PPARGC1A: variants seen among roughly 807,000 people sequenced by gnomAD.
The protein encoded by PPARGC1A is PPARG coactivator 1 alpha, also known as peroxisome proliferator-activated receptor gamma coactivator 1-alpha.
A neutral mutation model predicts 88.7 loss-of-function variants in PPARGC1A; 25 were observed. The ratio of observed to expected loss-of-function variants is 0.28; its 90% CI spans 0.21 to 0.39. The LOEUF (loss-of-function observed/expected upper bound fraction) is 0.39, where lower values mean the gene tolerates loss of function less well. Among genes scored for constraint, PPARGC1A ranks in the 10% least tolerant of loss-of-function variants. The pLI is 1.00. For synonymous variants in PPARGC1A, 363 were observed against 355.6 expected (o/e 1.02, Z -0.24); for missense variants, 880 against 968.7 (o/e 0.91, Z 1.22).
the PPARGC1A span, among the ~76,000 whole-genome samples, chr4:24,031,890 G>T: frequency 6.6e-6 from 1 of 152,196 alleles, no homozygotes; most frequent in African/African-American, 2.4e-5. Context: ...ACATCATCCA[G>T]TCTAACTTAG....
chr4:23,913,823 C>A, the PPARGC1A span, among the ~76,000 whole-genome samples: 1 of 152,098 alleles, frequency 6.6e-6, no homozygotes, highest in East Asian at 1.9e-4. Context: ...TAGAGCCTCA[C>A]AGAGGAGGCA....
chr4:24,438,625 T>C, the PPARGC1A span, among the ~76,000 whole-genome samples: 18 of 152,334 alleles, frequency 1.2e-4, no homozygotes, highest in African/African-American at 4.3e-4. Flanking sequence ...CGATGTGTTT[T>C]GGCGCTATAA....
the PPARGC1A span, among the ~76,000 whole-genome samples, chr4:24,356,058 G>A: frequency 1.3e-4 from 20 of 152,124 alleles, no homozygotes; most frequent in East Asian, 1.4e-3. Context: ...TTAGCCAGGC[G>A]TGGTGGCGCG....
At chr4:24,114,189 T>C in the PPARGC1A span, among the ~76,000 whole-genome samples, 1 of 147,738 alleles carries the variant, frequency 6.8e-6, no homozygotes, top group Non-Finnish European at 1.5e-5. Flanking sequence ...GTTGCTGAAC[T>C]AATGAACAAA....
the PPARGC1A span, among the ~76,000 whole-genome samples, chr4:24,387,758 GAGAGAGAGAGAAAGAA>G: frequency 7.9e-4 from 49 of 62,366 alleles, 3 homozygotes; most frequent in East Asian, 0.017. Flanking sequence ...GAGAGAGAGA[GAGAGAGAGAGAAAGAA>G]AGAAAGAAAG....
chr4:24,351,195 C>A, the PPARGC1A span, among the ~76,000 whole-genome samples: 2 of 150,610 alleles, frequency 1.3e-5, no homozygotes, highest in Non-Finnish European at 2.9e-5. Flanking sequence ...CACGCCACTG[C>A]ACTCCAGCCT....
chr4:24,444,204 T>G, the PPARGC1A span, among the ~76,000 whole-genome samples: 1 of 152,064 alleles, frequency 6.6e-6, no homozygotes, highest in Non-Finnish European at 1.5e-5. Flanking sequence ...GGTTAATTTT[T>G]GTATTTTTAA....
At chr4:24,032,903 C>T in the PPARGC1A span, among the ~76,000 whole-genome samples, 4 of 152,182 alleles carry the variant, frequency 2.6e-5, no homozygotes, top group Non-Finnish European at 4.4e-5. Flanking sequence ...CGCACACACC[C>T]TTAGATACTT....
At chr4:23,917,380 T>C in the PPARGC1A span, among the ~76,000 whole-genome samples, 29 of 150,326 alleles carry the variant, frequency 1.9e-4, 2 homozygotes, top group East Asian at 4.3e-3. Flanking sequence ...TTCTTTCTTT[T>C]TTTTTTTTTT....
chr4:24,064,554 G>T, the PPARGC1A span, among the ~76,000 whole-genome samples: 1 of 152,084 alleles, frequency 6.6e-6, no homozygotes. Flanking sequence ...GTCCCTGCCA[G>T]AAAACGAGAC....
chr4:24,163,051 T>C, the PPARGC1A span, among the ~76,000 whole-genome samples: 2 of 151,810 alleles, frequency 1.3e-5, no homozygotes, highest in African/African-American at 4.8e-5. Flanking sequence ...TTACAAAATA[T>C]TGTCATATGC....
intron 2 of PPARGC1A, among the ~76,000 whole-genome samples, chr4:23,871,099 TA>T (rs1457080529): frequency 6.6e-6 from 1 of 152,184 alleles, no homozygotes; most frequent in Non-Finnish European, 1.5e-5. Flanking sequence ...TCCCCAGACT[TA>T]GTTATCTGCC....
the PPARGC1A span, among the ~76,000 whole-genome samples, chr4:23,924,596 T>C: frequency 6.6e-6 from 1 of 152,314 alleles, no homozygotes; most frequent in South Asian, 2.1e-4. Flanking sequence ...CACTCCAGCC[T>C]GGGTGACAGA....
chr4:24,420,496 G>A, the PPARGC1A span, among the ~76,000 whole-genome samples: 5 of 152,216 alleles, frequency 3.3e-5, no homozygotes, highest in African/African-American at 9.6e-5. Flanking sequence ...TCGTATGCCC[G>A]TTTTTATAAC....
the PPARGC1A span, among the ~76,000 whole-genome samples, chr4:24,413,240 ATTT>A: frequency 2.8e-5 from 4 of 141,066 alleles, no homozygotes; most frequent in Admixed American, 7.1e-5. Flanking sequence ...GCCTGGCTTC[ATTT>A]TTTTTTTTTT....
the PPARGC1A span, among the ~76,000 whole-genome samples, chr4:24,185,267 T>C: frequency 6.6e-6 from 1 of 152,176 alleles, no homozygotes; most frequent in Non-Finnish European, 1.5e-5. Flanking sequence ...CCTCAACCTG[T>C]CACAATGTAA....
the PPARGC1A span, among the ~76,000 whole-genome samples, chr4:24,432,452 C>A: frequency 6.6e-6 from 1 of 152,102 alleles, no homozygotes; most frequent in Non-Finnish European, 1.5e-5. Context: ...CATGAAGCAC[C>A]AAAGACTTAG....
chr4:23,931,957 C>G, the PPARGC1A span, among the ~76,000 whole-genome samples: 1 of 152,116 alleles, frequency 6.6e-6, no homozygotes, highest in African/African-American at 2.4e-5. Context: ...TAATGATACC[C>G]CATTGTCAGG....
chr4:23,843,902 C>A (rs1727506561), intron 2 of PPARGC1A, among the ~76,000 whole-genome samples: 1 of 151,938 alleles, frequency 6.6e-6, no homozygotes, highest in East Asian at 1.9e-4. Flanking sequence ...AACATACATG[C>A]AGACCAATAT....
Sources: allele counts gnomAD v4.1 joint callset (sites outside exome capture counted in the v4.1 genomes callset), GRCh38; gene constraint gnomAD v4.1.1; transcripts MANE v1.5; gene names NCBI Gene and HGNC (gene_info 2026-07-23, HGNC 2026-07-21).